ANXA4: variants seen among roughly 807,000 people sequenced by gnomAD.
ANXA4 encodes annexin A4.
In ANXA4, 39 loss-of-function variants were observed where a neutral mutation model predicts 49.8. The ratio of observed to expected loss-of-function variants is 0.78; its 90% CI spans 0.61 to 1.02. The LOEUF is 1.02. Among genes scored for constraint, ANXA4 ranks in the 50% least tolerant of loss-of-function variants. ANXA4 has a pLI of 0.00. For missense variants in ANXA4, 360 were observed against 410.1 expected (o/e 0.88, Z 1.05); for synonymous variants, 134 against 152.5 (o/e 0.88, Z 0.89).
intron 1 of ANXA4, among the ~76,000 whole-genome samples, chr2:69,649,134 C>T (rs1350731201): frequency 6.6e-6 from 1 of 152,008 alleles, no homozygotes; most frequent in Non-Finnish European, 1.5e-5. Flanking sequence ...GATCTGCCCA[C>T]CTCAGCCTCC....
intron 4 of ANXA4, among the ~76,000 whole-genome samples, chr2:69,805,460 G>T (rs1423142935): frequency 6.6e-6 from 1 of 151,968 alleles, no homozygotes; most frequent in Non-Finnish European, 1.5e-5. Context: ...AAAAAAATTA[G>T]CTGGGCATGG....
At chr2:69,734,946 G>A (rs912232084) in intron 3 of ANXA4, among the ~76,000 whole-genome samples, 4 of 152,114 alleles carry the variant, frequency 2.6e-5, no homozygotes, top group African/African-American at 9.7e-5. Flanking sequence ...GTCACCCCTT[G>A]TCAACCCTGC....
intron 3 of ANXA4, among the ~76,000 whole-genome samples, chr2:69,732,043 C>T (rs566754207): frequency 4.5e-4 from 64 of 141,764 alleles, no homozygotes; most frequent in Admixed American, 1.3e-3. Context: ...TGCAGTGGCA[C>T]GATCTCGACT....
chr2:69,778,719 G>A (rs1294473130), intron 1 of ANXA4, among the ~76,000 whole-genome samples: 1 of 140,842 alleles, frequency 7.1e-6, no homozygotes, highest in Non-Finnish European at 1.5e-5. Flanking sequence ...AGGTTGCAGT[G>A]AGCCAAGATC....
intron 1 of ANXA4, among the ~76,000 whole-genome samples, chr2:69,647,838 T>G (rs1172594386): frequency 6.6e-6 from 1 of 152,216 alleles, no homozygotes; most frequent in Non-Finnish European, 1.5e-5. Flanking sequence ...ATTACAGATG[T>G]GAGCCACCGT....
chr2:69,806,169 A>G (rs1453683504), intron 4 of ANXA4, among the ~76,000 whole-genome samples: 4 of 152,226 alleles, frequency 2.6e-5, no homozygotes, highest in African/African-American at 4.8e-5. Flanking sequence ...TGATGCACAG[A>G]CAATGTCAAA....
chr2:69,656,652 A>G (rs2105315998), intron 2 of ANXA4, among the ~76,000 whole-genome samples: 1 of 147,574 alleles, frequency 6.8e-6, no homozygotes, highest in South Asian at 2.1e-4. Flanking sequence ...TCCTGGGTTC[A>G]AGCTGTTCTC....
At chr2:69,743,696 T>G (rs764321236) in intron 1 of ANXA4, among the ~76,000 whole-genome samples, 1 of 152,134 alleles carries the variant, frequency 6.6e-6, no homozygotes, top group Non-Finnish European at 1.5e-5. Context: ...TTTCTGTTGA[T>G]TGAAGATAGA....
At position 69,714,661 on chromosome 2, in the gene ANXA4, G is replaced by A. The variant is rs955191249; in HGVS notation, n.767-6113G>A. ...CTGCGTTGGGCCAGATCCCAGAGCT[G>A]GGGCCTAATTTGTGATGGGATGCCC... On this transcript the variant is annotated intron_variant and non_coding_transcript_variant, in intron 2 of 3. Transcript: ENST00000418066. 8.1e-4 allele frequency among the ~76,000 whole-genome samples: 123 copies of A among 152,204 alleles called. 4 individuals carry two copies. The highest frequency in any genetic ancestry group is 3.4e-4 in the Non-Finnish European group (23 of 68,042).
At position 69,693,232 on chromosome 2, in the gene ANXA4, C is replaced by T. The variant is rs73935624; in HGVS notation, n.767-27542C>T. On this transcript the variant is annotated intron_variant and non_coding_transcript_variant, in intron 2 of 3. Coordinates refer to the ANXA4 transcript ENST00000418066. ...CAGTTCGGAAGAACATAGAGTTGGT[C>T]GGTGCAGTTCTTTGAAGAGTCCTCA... Among the ~76,000 whole-genome samples, 801 of 152,066 alleles carry T rather than the reference C, an allele frequency of 5.3e-3. 8 individuals are homozygous for T. Among genetic ancestry groups the T allele is most frequent in the Middle Eastern group, 0.024 (7 of 294 alleles).
intron 2 of ANXA4, among the ~76,000 whole-genome samples, chr2:69,678,458 A>G (rs1350913838): frequency 7.4e-6 from 1 of 134,334 alleles, no homozygotes; most frequent in African/African-American, 2.9e-5. Context: ...CAGTGGTGCC[A>G]TCATGACTCA....
At chr2:69,708,586 A>G (rs1323092034) in intron 2 of ANXA4, among the ~76,000 whole-genome samples, 1 of 151,972 alleles carries the variant, frequency 6.6e-6, no homozygotes, top group East Asian at 1.9e-4. Context: ...GGTTTTTTTT[A>G]TCGGGGAGAC....
rs751005738 is a variant in ANXA4, at chr2:69,820,832, G to A, written c.906+11G>A. 1 of 1,613,180 alleles carries A rather than the reference G, an allele frequency of 6.2e-7. No homozygotes were observed. Among genetic ancestry groups the A allele is most frequent in the Middle Eastern group, 1.6e-4 (1 of 6,078 alleles). ...TACTCGTTCATCAAGGTAGGTCACA[G>A]CAGCCTAAGTCCAGAGTAAAGGATC... On this transcript the variant is annotated intron_variant, in intron 12 of 12. Coordinates refer to ENST00000394295, the MANE Select transcript of ANXA4 (RefSeq NM_001153.5).
intron 1 of ANXA4, among the ~76,000 whole-genome samples, chr2:69,778,928 T>C (rs1034440873): frequency 6.6e-6 from 1 of 151,778 alleles, no homozygotes; most frequent in African/African-American, 2.4e-5. Context: ...TGAAATCCTG[T>C]CTGTACTAAA....
rs548965839 is a variant in ANXA4, at chr2:69,767,746, C to T, written c.-46-13774C>T. ...TCCATCAGATAAGTCTGGAAGAGGA[C>T]GGTTTTTGTTGTTGTTTTGTTTTTT... On this transcript the variant is annotated intron_variant, in intron 1 of 12. Coordinates refer to ENST00000394295, the MANE Select transcript of ANXA4 (RefSeq NM_001153.5). 7.9e-5 allele frequency among the ~76,000 whole-genome samples: 12 copies of T among 152,176 alleles called. 1 individual carries two copies. The South Asian group carries it at 1.0e-3, about 13-fold the overall frequency.
intron 3 of ANXA4, among the ~76,000 whole-genome samples, chr2:69,791,364 A>G (rs6731941): frequency 0.59 from 89,395 of 152,146 alleles, 29,111 homozygotes; most frequent in African/African-American, 0.87. Context: ...CAGTTTTTCC[A>G]ATTGTGTTTT....
At chr2:69,802,701 C>A (rs1673261246) in intron 3 of ANXA4, among the ~76,000 whole-genome samples, 1 of 127,216 alleles carries the variant, frequency 7.9e-6, no homozygotes, top group Admixed American at 8.8e-5. Context: ...CAGAGCAAGA[C>A]TCTGTCTCAA....
rs556133935 is a variant in ANXA4 at position 69,787,125 on chromosome 2, T to C, written c.10-929T>C. 3.3e-5 allele frequency among the ~76,000 whole-genome samples: 5 copies of C among 152,366 alleles called. No homozygotes were observed. In the East Asian group the frequency reaches 9.6e-4, roughly 29 times the overall value. ...TTCATCTGTAAACTATTTCAATAGA[T>C]TAAACCTCTTTTAAAAATGAAATAT... On this transcript the variant is annotated intron_variant, in intron 2 of 12. Transcript: ENST00000394295.
intron 2 of ANXA4, among the ~76,000 whole-genome samples, chr2:69,785,210 C>T (rs1436572396): frequency 2.0e-5 from 3 of 152,140 alleles, no homozygotes; most frequent in African/African-American, 7.2e-5. Flanking sequence ...GCCCTGGGTA[C>T]CTGAGGACTT....
Sources: allele counts gnomAD v4.1 joint callset (sites outside exome capture counted in the v4.1 genomes callset), GRCh38; gene constraint gnomAD v4.1.1; transcripts MANE v1.5; gene names NCBI Gene and HGNC (gene_info 2026-07-23, HGNC 2026-07-21).